The following EML3 variants were observed in gnomAD, a reference collection of about 807,000 sequenced individuals.
EML3 encodes EMAP like 3, also known as echinoderm microtubule-associated protein-like 3.
A neutral mutation model predicts 106.7 loss-of-function variants in EML3; 53 were observed. The ratio of observed to expected loss-of-function variants is 0.50; its 90% CI spans 0.40 to 0.62. The LOEUF is 0.62. EML3 is among the 20% of genes least tolerant of loss of function. The probability of loss-of-function intolerance (pLI) is 0.00; values close to 1 mark genes in which losing one functional copy is unlikely to be tolerated. For synonymous variants in EML3, 499 were observed against 489.6 expected (o/e 1.02, Z -0.25); for missense variants, 994 against 1,209.1 (o/e 0.82, Z 2.64).
chr11:62,606,158 A>G lies in EML3; in HGVS notation c.1561T>C (p.Cys521Arg). 1 of 1,614,086 alleles carries G rather than the reference A, an allele frequency of 6.2e-7. No homozygotes were observed. Among genetic ancestry groups the G allele is most frequent in the Non-Finnish European group, 8.5e-7 (1 of 1,180,038 alleles). ...HAHEGSIFAL[C>R]LRRDGTVLSG... ...AGCACTGTCCCGTCCCTCCGGAGAC[A>G]CAAGGCGAAGATAGAACCTTCATGA... The change falls in exon 13 of 22, where the codon TGT (cysteine) becomes CGT (arginine). Residue 521 changes from cysteine (C) to arginine (R), a missense_variant. Cys to Arg is a radical substitution (Grantham distance 180). Around this residue, in one of 3 missense-constraint regions of EML3, gnomAD observed 713 missense variants for 920.5 expected, o/e 0.77. Transcript: ENST00000394773.
chr11:62,607,156 T>A, intron 11 of EML3, 57 bp from the exon 12 acceptor site: 2 of 1,595,052 alleles, frequency 1.3e-6, no homozygotes, highest in Non-Finnish European at 8.5e-7. Context: ...AGATTAAAAG[T>A]CGCAGGGCAG....
chr11:62,608,947 C>A lies in EML3; in HGVS notation c.929+15G>T. 1.9e-6 allele frequency: 3 copies of A among 1,612,754 alleles called. No homozygotes were observed. The highest frequency in any genetic ancestry group is 2.5e-6 in the Non-Finnish European group (3 of 1,179,236). ...ACCCTCTTCCTGCCAAGCCCACCAGCCCCGGACTCCTCACCATCGAACGCA... is the reference window on the plus strand; with the variant it reads ...ACCCTCTTCCTGCCAAGCCCACCAGACCCGGACTCCTCACCATCGAACGCA... On this transcript the variant is annotated intron_variant, in intron 7 of 21. Coordinates refer to ENST00000394773, the MANE Select transcript of EML3 (RefSeq NM_153265.3).
chr11:62,610,306 G>A (rs1030458176), intron 4 of EML3, among the ~76,000 whole-genome samples: 6 of 152,226 alleles, frequency 3.9e-5, no homozygotes, highest in African/African-American at 1.2e-4. Context: ...GCCAAGGACA[G>A]GGCTAGAATG....
chr11:62,607,903 C>T (rs778363217), intron 10 of EML3, 82 bp from the exon 11 acceptor site: 38 of 1,522,208 alleles, frequency 2.5e-5, no homozygotes, highest in Non-Finnish European at 3.3e-5. Context: ...TGCATCATGA[C>T]AGCTGGCTGG....
chr11:62,606,347 C>CT (rs1408796481), intron 12 of EML3, 133 bp from the exon 13 acceptor site: 2 of 1,000,860 alleles, frequency 2.0e-6, no homozygotes, highest in Non-Finnish European at 2.9e-6. Flanking sequence ...CATCCTCATA[C>CT]TGCCAACACA....
chr11:62,610,684 G>A (rs1279503346), intron 4 of EML3, among the ~76,000 whole-genome samples, 195 bp downstream of exon 4: 1 of 152,160 alleles, frequency 6.6e-6, no homozygotes, highest in Non-Finnish European at 1.5e-5. Context: ...GATGTTGTGG[G>A]GACTGACTGA....
chr11:62,608,391 G>A, intron 9 of EML3, 95 bp from the exon 10 acceptor site: 2 of 1,395,708 alleles, frequency 1.4e-6, no homozygotes, highest in Middle Eastern at 1.8e-4. Flanking sequence ...CAGATGGAGA[G>A]GGCAGAAAAA....
chr11:62,607,864 A>T, intron 10 of EML3, 43 bp from the exon 11 acceptor site: 1 of 1,593,192 alleles, frequency 6.3e-7, no homozygotes, highest in Non-Finnish European at 8.6e-7. Flanking sequence ...AGCCCTGGGT[A>T]CCTTCATTCT....
chr11:62,611,717 G>A, intron 1 of EML3, 121 bp from the exon 2 acceptor site: 1 of 1,170,402 alleles, frequency 8.5e-7, no homozygotes, highest in South Asian at 1.6e-5. Context: ...GGCAGCCCCA[G>A]GCTTGAATGC....
At position 62,609,650 on chromosome 11, in the gene EML3, G is replaced by A. The variant is rs759221173; in HGVS notation, c.613C>T (p.Arg205Trp). The A allele has an allele frequency of 2.5e-6, 4 of 1,607,994 alleles. No individual in the cohort carries two copies. The highest frequency in any genetic ancestry group is 3.4e-6 in the Non-Finnish European group (4 of 1,177,404). The change falls in exon 5 of 22, where the codon CGG becomes TGG. Residue 205 changes from arginine to tryptophan, a missense_variant. Physicochemically the swap from Arg to Trp is moderately radical, Grantham distance 101. This residue lies in a region of EML3 where 269 missense variants were observed against 265.1 expected (regional missense o/e 1.01). Transcript: ENST00000394773. ...PLSSPGGPGS[R>W]RSNYNLEGIS... ...ATACCCAAATTGTAATTGCTCCTCC[G>A]AGATCCAGGGCCCCCAGGGCTGGAG...
At chr11:62,612,393 C>G in intron 1 of EML3, 43 bp downstream of exon 1, 2 of 1,495,970 alleles carry the variant, frequency 1.3e-6, no homozygotes, top group Admixed American at 4.2e-5. Flanking sequence ...ACGAGCCGGG[C>G]GCTCCGGGAA....
At chr11:62,609,874 T>C (rs780535314) in intron 4 of EML3, among the ~76,000 whole-genome samples, 178 bp from the exon 5 acceptor site, 1 of 152,122 alleles carries the variant, frequency 6.6e-6, no homozygotes, top group African/African-American at 2.4e-5. Context: ...ATTTAAGAGA[T>C]AAGAAGATTG....
intron 13 of EML3, 26 bp from the exon 14 acceptor site, chr11:62,606,006 G>A (rs778582458): frequency 6.2e-7 from 1 of 1,613,806 alleles, no homozygotes; most frequent in South Asian, 1.1e-5. Context: ...AGAATGTCAA[G>A]AGCCCACTGA....
In EML3 at chr11:62,612,416, C is replaced by T. The variant is rs1942879445; in HGVS notation, c.22+20G>A. ...GGCGCTCCGGGAAGGGGCACGCCGC[C>T]CGCCCCGCCCCGTACTCACCGGGCC... On this transcript the variant is annotated intron_variant, in intron 1 of 21. Coordinates refer to ENST00000394773, the MANE Select transcript of EML3 (RefSeq NM_153265.3). 6.7e-7 allele frequency: 1 copy of T among 1,498,764 alleles called. No homozygotes were observed. The highest frequency in any genetic ancestry group is 8.9e-7 in the Non-Finnish European group (1 of 1,129,244). 92.8% of individuals were successfully genotyped at this position (1,498,764 alleles called of 1,614,324 possible).
intron 11 of EML3, chr11:62,607,354 G>T: frequency 2.2e-6 from 1 of 460,636 alleles, no homozygotes; most frequent in Non-Finnish European, 3.8e-6. Context: ...CGGGCATGAT[G>T]GCCAACATGA....
rs1942885969 is a variant in EML3 at position 62,612,516 on chromosome 11, C to G, written c.-59G>C. On this transcript the variant is annotated 5_prime_UTR_variant, in exon 1 of 22. Transcript: ENST00000394773. ...GAGGAGGCGTCTAAGCCGCGGGGGCCACGGCCGGGGAGAGGGGAAGGGGAA... is the reference window on the plus strand; with the variant it reads ...GAGGAGGCGTCTAAGCCGCGGGGGCGACGGCCGGGGAGAGGGGAAGGGGAA... 7.4e-7 allele frequency: 1 copy of G among 1,349,800 alleles called. No homozygotes were observed. Among genetic ancestry groups the G allele is most frequent in the Non-Finnish European group, 9.4e-7 (1 of 1,058,566 alleles). The allele number at this position is 1,349,800 out of a possible 1,614,324, so 83.6% of individuals were successfully genotyped here.
intron 20 of EML3, 127 bp downstream of exon 20, chr11:62,603,022 G>GGGCC: frequency 2.0e-6 from 3 of 1,507,498 alleles, no homozygotes; most frequent in Non-Finnish European, 2.7e-6. Context: ...CGGTCCCGAG[G>GGGCC]GGCCTCCTGG....
intron 12 of EML3, chr11:62,606,421 A>C: frequency 1.5e-6 from 1 of 652,872 alleles, no homozygotes; most frequent in Non-Finnish European, 2.6e-6. Context: ...GTAACTTCCT[A>C]AAGGCAAGGC....
Position 62,611,268 on chromosome 11 carries a change from CCT to C in EML3, c.269_270del (p.Glu90GlyfsTer27). 1 of 1,612,818 alleles carries C rather than the reference CCT, an allele frequency of 6.2e-7. No homozygotes were observed. Among genetic ancestry groups the C allele is most frequent in the Non-Finnish European group, 8.5e-7 (1 of 1,179,930 alleles). On this transcript the variant is annotated frameshift_variant, in exon 3 of 22. Coordinates refer to ENST00000394773, the MANE Select transcript of EML3 (RefSeq NM_153265.3). LOFTEE classifies it high-confidence loss of function. ...GGTCCAGGGGATGACTTGAGCTCCA[CCT>C]CTGTCTCCGTCTGGGTGCCTCGGCT... ...LVSRGTQTET[E>X]VELKSSPGPP...
Sources: gnomAD v4.1 joint callset for allele counts (sites outside exome capture counted in the v4.1 genomes callset) on GRCh38, gnomAD v4.1.1 for gene constraint, gnomAD v4.1.1 regional missense constraint, MANE v1.5 for transcripts, NCBI Gene and HGNC (gene_info 2026-07-23, HGNC 2026-07-21) for gene names.